CLCNKB: variants seen among roughly 807,000 people sequenced by gnomAD.
CLCNKB encodes chloride voltage-gated channel Kb.
A neutral mutation model predicts 83.8 loss-of-function variants in CLCNKB; 74 were observed. The ratio of observed to expected loss-of-function variants is 0.88; its 90% confidence interval spans 0.73 to 1.07. The LOEUF (loss-of-function observed/expected upper bound fraction) is 1.07. CLCNKB is among the 50% of genes least tolerant of loss of function. The pLI is 0.00. For missense variants in CLCNKB, 798 were observed against 893.6 expected, an observed-to-expected ratio of 0.89 and a Z score of 1.36; for synonymous variants, 358 against 356.6, an observed-to-expected ratio of 1.00 and a Z score of -0.04.
At position 16,051,466 on chromosome 1, in the gene CLCNKB, C is replaced by A. The variant is rs1445877302; in HGVS notation, c.1228-12C>A. 1 of 1,614,088 alleles carries A rather than the reference C, an allele frequency of 6.2e-7. No individual in the cohort carries two copies. Among genetic ancestry groups the A allele is most frequent in the Admixed American group, 1.7e-5 (1 of 60,020 alleles). On this transcript the variant is annotated splice_polypyrimidine_tract_variant and intron_variant, in intron 12 of 19. Coordinates refer to ENST00000375679, the MANE Select transcript of CLCNKB (RefSeq NM_000085.5). ...GCCTCTAACCTCTGCCCTGGGCTCC[C>A]CACTCCCACAGTTCTGGATGCTGAT...
chr1:16,052,931 C>T (rs2023339418), intron 15 of CLCNKB, among the ~76,000 whole-genome samples: 1 of 152,186 alleles, frequency 6.6e-6, no homozygotes, highest in East Asian at 1.9e-4. Context: ...AAAACACAAG[C>T]AAGCTGCTGC....
chr1:16,050,419 T>C (rs2023250136), intron 10 of CLCNKB, 97 bp from the exon 11 acceptor site: 2 of 1,347,526 alleles, frequency 1.5e-6, no homozygotes, highest in African/African-American at 1.4e-5. Flanking sequence ...CCATTCCTGC[T>C]CTTCCTCCCC....
chr1:16,056,123 C>T (rs2023429229), intron 18 of CLCNKB, among the ~76,000 whole-genome samples: 1 of 152,228 alleles, frequency 6.6e-6, no homozygotes, highest in African/African-American at 2.4e-5. Context: ...CAGGACAGAG[C>T]CTGGCACACG....
intron 15 of CLCNKB, among the ~76,000 whole-genome samples, chr1:16,052,676 A>G (rs2023332455): frequency 6.6e-6 from 1 of 152,126 alleles, no homozygotes; most frequent in Admixed American, 6.5e-5. Context: ...GATTGAGGAA[A>G]CCGGGGCTCA....
Position 16,053,721 on chromosome 1 carries a change from A to C in CLCNKB, c.1705A>C (p.Lys569Gln). ...GGACATGCCACTGGAGGAGGTGGTCAAGGTTGTGACCTCCACAGACGTGGC... is the reference window on the plus strand; with the variant it reads ...GGACATGCCACTGGAGGAGGTGGTCCAGGTTGTGACCTCCACAGACGTGGC... ...AKDMPLEEVV[K>Q]VVTSTDVAKY... Residue 569 changes from lysine to glutamine, a missense_variant, in exon 16 of 20, where the codon AAG becomes CAG. Physicochemically the swap from Lys to Gln is moderately conservative, Grantham distance 53. Coordinates refer to ENST00000375679, the MANE Select transcript of CLCNKB (RefSeq NM_000085.5). 1 of 1,613,922 alleles carries C rather than the reference A, an allele frequency of 6.2e-7. No homozygotes were observed. Among genetic ancestry groups the C allele is most frequent in the South Asian group, 1.1e-5 (1 of 91,068 alleles).
chr1:16,048,684 T>C lies in CLCNKB; in HGVS notation c.655+102T>C, dbSNP rs901284357. ...GAGAGCCTGGAGGAGGGGGTGGGGC[T>C]CATTCTAGTTCTCACTTCAGCCCCG... On this transcript the variant is annotated intron_variant, in intron 7 of 19. Transcript: ENST00000375679. 3.9e-6 allele frequency: 6 copies of C among 1,552,778 alleles called. No homozygotes were observed. The African/African-American group carries it at 8.2e-5, about 21-fold the overall frequency.
chr1:16,055,449 G>A lies in CLCNKB; in HGVS notation c.1771G>A (p.Val591Met), dbSNP rs1348568836. Residue 591 changes from valine (V) to methionine (M), a missense_variant, in exon 17 of 20, where the codon GTG (valine) becomes ATG (methionine). By Grantham distance (21) the Val-to-Met change is conservative (BLOSUM62 1). Transcript: ENST00000375679. The stretch of plus-strand genomic sequence containing the variant: ...CCACTTGCCAGAGTCCCAGATCCTG[G>A]TGGGCATAGTGCGAAGGGCCCAGCT... ...LVESTESQIL[V>M]GIVRRAQLVQ... is the part of the protein sequence containing the mutation. 6.2e-7 allele frequency: 1 copy of A among 1,613,474 alleles called. No homozygotes were observed. The highest frequency in any genetic ancestry group is 1.1e-5 in the South Asian group (1 of 91,070).
intron 3 of CLCNKB, 93 bp downstream of exon 3, chr1:16,045,779 TGG>T: frequency 1.7e-6 from 1 of 577,246 alleles, no homozygotes; most frequent in Non-Finnish European, 3.0e-6. Context: ...CAGCGGAGGT[TGG>T]GGGGGGTGCT....
intron 5 of CLCNKB, 89 bp from the exon 6 acceptor site, chr1:16,048,253 AG>A: frequency 6.5e-7 from 1 of 1,536,760 alleles, no homozygotes; most frequent in East Asian, 2.3e-5. Flanking sequence ...GAGATGGAGG[AG>A]GGGGTGTTGG....
Position 16,055,446 on chromosome 1 carries a change from C to T in CLCNKB, c.1768C>T (p.Leu590=), listed in dbSNP as rs763310741. The change falls in exon 17 of 20, where the codon CTG becomes TTG. Residue 590 remains leucine (L), a synonymous_variant. Transcript: ENST00000375679. ...TCTCCACTTGCCAGAGTCCCAGATCCTGGTGGGCATAGTGCGAAGGGCCCA... is the reference window on the plus strand; with the variant it reads ...TCTCCACTTGCCAGAGTCCCAGATCTTGGTGGGCATAGTGCGAAGGGCCCA... ...PLVESTESQI[L]VGIVRRAQLV... The T allele has an allele frequency of 1.9e-6, 3 of 1,607,748 alleles. No homozygotes were observed. The Admixed American group carries it at 5.0e-5, about 27-fold the overall frequency.
At chr1:16,049,322 C>A in intron 8 of CLCNKB, 77 bp downstream of exon 8, 1 of 1,590,776 alleles carries the variant, frequency 6.3e-7, no homozygotes, top group Non-Finnish European at 8.5e-7. Context: ...CCCCTGTGTA[C>A]ACCCCTTGCT....
rs41269169 is a variant in CLCNKB at position 16,051,836 on chromosome 1, G to T, written c.1408+16G>T. 4 of 1,594,712 alleles carry T rather than the reference G, an allele frequency of 2.5e-6. No individual in the cohort carries two copies. The highest frequency in any genetic ancestry group is 2.2e-5 in the South Asian group (2 of 90,680). ...GCTCTGGCAGGTGAGTGGGTCAGGG[G>T]CCTGCTGCGTGGGCAATGTCGTGCG... On this transcript the variant is annotated intron_variant, in intron 14 of 19. Coordinates refer to ENST00000375679, the MANE Select transcript of CLCNKB (RefSeq NM_000085.5).
chr1:16,044,181 G>T (rs548876165), intron 1 of CLCNKB, among the ~76,000 whole-genome samples: 1 of 151,928 alleles, frequency 6.6e-6, no homozygotes, highest in Non-Finnish European at 1.5e-5. Flanking sequence ...CCACCGAAGG[G>T]GAAGGGGCTC....
At chr1:16,044,655 C>A in intron 2 of CLCNKB, 63 bp downstream of exon 2, 2 of 1,370,224 alleles carry the variant, frequency 1.5e-6, no homozygotes, top group Non-Finnish European at 1.0e-6. Context: ...TCCTGCCCAG[C>A]TCCCACCCCA....
chr1:16,047,445 G>GAAACAAACAAACAAAC (rs34324462), intron 4 of CLCNKB, among the ~76,000 whole-genome samples: 13 of 150,476 alleles, frequency 8.6e-5, no homozygotes, highest in African/African-American at 2.7e-4. Context: ...ACCCCTGTCT[G>GAAACAAACAAACAAAC]AAACAAACAA....
At position 16,048,710 on chromosome 1, in the gene CLCNKB, C is replaced by T. The variant is rs2023180974; in HGVS notation, c.655+128C>T. 3 of 1,507,754 alleles carry T rather than the reference C, an allele frequency of 2.0e-6. No individual in the cohort carries two copies. The Admixed American group carries it at 6.5e-5, about 33-fold the overall frequency. The allele number at this position is 1,507,754 out of a possible 1,614,324, so 93.4% of individuals were successfully genotyped here. ...CATTCTAGTTCTCACTTCAGCCCCGCCTTGGGCACAGCCACCGCCCCCCAC... is the reference window on the plus strand; with the variant it reads ...CATTCTAGTTCTCACTTCAGCCCCGTCTTGGGCACAGCCACCGCCCCCCAC... On this transcript the variant is annotated intron_variant, in intron 7 of 19. Transcript: ENST00000375679.
intron 7 of CLCNKB, 189 bp downstream of exon 7, chr1:16,048,771 G>T: frequency 1.4e-6 from 2 of 1,465,278 alleles, no homozygotes; most frequent in East Asian, 2.5e-5. Context: ...GATTGGCGGT[G>T]CTAAGAGGCT....
Position 16,046,585 on chromosome 1 carries a change from C to A in CLCNKB, c.280C>A (p.Leu94Ile), listed in dbSNP as rs201876924. Residue 94 changes from leucine to isoleucine, a missense_variant, in exon 4 of 20, where the codon CTC becomes ATC. Leu to Ile is a conservative substitution (Grantham distance 5). Transcript: ENST00000375679. Reference protein sequence around the residue: ...EIGDSHLLRYLSWTVYPVALV... With the variant: ...EIGDSHLLRYISWTVYPVALV... ...TGGGGACAGCCACCTGCTCCGGTAT[C>A]TCTCCTGGACTGTGTACCCTGTGGC... is the stretch of plus-strand genomic sequence containing the variant. 148 of 1,614,152 alleles carry A rather than the reference C, an allele frequency of 9.2e-5. 1 individual carries two copies. The East Asian group carries it at 2.9e-3, about 32-fold the overall frequency.
chr1:16,056,435 T>C lies in CLCNKB; in HGVS notation c.1943T>C (p.Phe648Ser), dbSNP rs148121380. Residue 648 changes from phenylalanine (F) to serine (S), a missense_variant, in exon 19 of 20, where the codon TTT becomes TCT. Transcript: ENST00000375679. ...ETSLHEAHNLFELLNLHSLFV... is the reference protein window; with the variant it reads ...ETSLHEAHNLSELLNLHSLFV... ...TCCCCCATCCAGGCACACAACCTCT[T>C]TGAGCTGTTGAACCTTCATTCCCTC... 12 of 1,613,738 alleles carry C rather than the reference T, an allele frequency of 7.4e-6. No individual in the cohort carries two copies. The highest frequency in any genetic ancestry group is 1.7e-5 in the Admixed American group (1 of 59,996).
Sources: allele counts gnomAD v4.1 joint callset (sites outside exome capture counted in the v4.1 genomes callset), GRCh38; gene constraint gnomAD v4.1.1; transcripts MANE v1.5; gene names NCBI Gene and HGNC (gene_info 2026-07-23, HGNC 2026-07-21).